The following PRKCA variants were observed in gnomAD, a reference collection of about 807,000 sequenced individuals.
PRKCA encodes protein kinase C alpha type.
PRKCA carries 27 observed loss-of-function variants against 87.0 expected under a neutral mutation model. The ratio of observed to expected loss-of-function variants is 0.31; its 90% CI spans 0.23 to 0.43. PRKCA has a LOEUF of 0.43. PRKCA is among the 20% of genes least tolerant of loss of function. The probability of loss-of-function intolerance (pLI) is 1.00; values close to 1 mark genes in which losing one functional copy is unlikely to be tolerated. For missense variants in PRKCA, 518 were observed against 852.3 expected, an observed-to-expected ratio of 0.61 and a Z score of 4.88; for synonymous variants, 329 against 311.1, an observed-to-expected ratio of 1.06 and a Z score of -0.61.
intron 13 of PRKCA, 148 bp downstream of exon 13, chr17:66,742,908 T>C (rs1475494451): frequency 2.3e-6 from 2 of 874,270 alleles, no homozygotes; most frequent in East Asian, 5.4e-5. Flanking sequence ...CAGACTAAAA[T>C]AGAGGAAATA....
chr17:66,593,958 G>T (rs970886864), intron 3 of PRKCA, among the ~76,000 whole-genome samples: 9 of 152,198 alleles, frequency 5.9e-5, no homozygotes, highest in Non-Finnish European at 8.8e-5. Flanking sequence ...GGTGGCGGCT[G>T]CCTGTAATCC....
intron 14 of PRKCA, among the ~76,000 whole-genome samples, chr17:66,781,868 G>GATATATATATATATATATATAT (rs1201713784): frequency 9.1e-5 from 9 of 99,338 alleles, no homozygotes; most frequent in African/African-American, 3.4e-4. Context: ...GAGAGAGAGA[G>GATATATATATATATATATATAT]ATATATATAT....
chr17:66,606,761 T>G (rs1970221827), intron 3 of PRKCA, among the ~76,000 whole-genome samples: 1 of 152,186 alleles, frequency 6.6e-6, no homozygotes, highest in African/African-American at 2.4e-5. Context: ...TCAAGAGTTG[T>G]AAAACATTTG....
chr17:66,459,331 T>C (rs1914731140), intron 2 of PRKCA, among the ~76,000 whole-genome samples: 1 of 152,042 alleles, frequency 6.6e-6, no homozygotes, highest in Non-Finnish European at 1.5e-5. Flanking sequence ...CACGGAGCCA[T>C]GATCATGTTA....
intron 2 of PRKCA, among the ~76,000 whole-genome samples, chr17:66,314,987 G>A (rs955881008): frequency 4.0e-5 from 6 of 151,570 alleles, no homozygotes; most frequent in Non-Finnish European, 7.4e-5. Flanking sequence ...GTATGTATGT[G>A]TATATATATG....
intron 3 of PRKCA, among the ~76,000 whole-genome samples, chr17:66,512,198 C>G (rs1017227987): frequency 6.6e-6 from 1 of 152,066 alleles, no homozygotes; most frequent in Non-Finnish European, 1.5e-5. Context: ...CCATCTGAAC[C>G]CTTCAGTGCC....
intron 3 of PRKCA, among the ~76,000 whole-genome samples, chr17:66,535,157 A>G (rs1567882455): frequency 6.6e-6 from 1 of 152,154 alleles, no homozygotes; most frequent in Non-Finnish European, 1.5e-5. Context: ...AACTCCTCCA[A>G]GGCATACTCA....
intron 14 of PRKCA, among the ~76,000 whole-genome samples, chr17:66,785,868 A>T (rs554097619): frequency 6.6e-6 from 1 of 152,166 alleles, no homozygotes; most frequent in Admixed American, 6.5e-5. Flanking sequence ...TCGCTCTGTC[A>T]CCCAGGCTGG....
chr17:66,681,450 G>A (rs1288114833), intron 5 of PRKCA, among the ~76,000 whole-genome samples: 1 of 152,040 alleles, frequency 6.6e-6, no homozygotes, highest in African/African-American at 2.4e-5. Flanking sequence ...AATGAAAGTG[G>A]GAGTAGTGGT....
intron 2 of PRKCA, among the ~76,000 whole-genome samples, chr17:66,312,003 T>TG (rs755423364): frequency 4.6e-5 from 7 of 152,180 alleles, no homozygotes; most frequent in Non-Finnish European, 8.8e-5. Context: ...TTTTTTGAGA[T>TG]GGAGTCTCGC....
chr17:66,762,740 C>G (rs951548015), intron 13 of PRKCA, among the ~76,000 whole-genome samples: 1 of 152,232 alleles, frequency 6.6e-6, no homozygotes, highest in Non-Finnish European at 1.5e-5. Context: ...CAGCAAGCCA[C>G]TGTGCCACTT....
intron 14 of PRKCA, among the ~76,000 whole-genome samples, chr17:66,779,875 G>A (rs934530080): frequency 2.0e-5 from 3 of 152,076 alleles, no homozygotes; most frequent in Non-Finnish European, 2.9e-5. Flanking sequence ...GGAAAGAGGC[G>A]AGAGAAGGCA....
chr17:66,612,510 G>A (rs1159656140), intron 3 of PRKCA, among the ~76,000 whole-genome samples: 1 of 151,864 alleles, frequency 6.6e-6, no homozygotes, highest in African/African-American at 2.4e-5. Flanking sequence ...GGTAGTGGAA[G>A]AAACCTGACA....
chr17:66,367,234 A>G (rs1276772686), intron 2 of PRKCA, among the ~76,000 whole-genome samples: 2 of 152,244 alleles, frequency 1.3e-5, no homozygotes, highest in African/African-American at 4.8e-5. Flanking sequence ...AGTTGATGTT[A>G]GGAATTACAA....
chr17:66,338,994 CATTT>C (rs1445044345), intron 2 of PRKCA, among the ~76,000 whole-genome samples: 1 of 152,094 alleles, frequency 6.6e-6, no homozygotes, highest in Non-Finnish European at 1.5e-5. Context: ...ATTCCTTAGA[CATTT>C]ATTTATTGAA....
chr17:66,427,470 A>G lies in PRKCA; in HGVS notation c.206-68731A>G, dbSNP rs188858668. ...GTTCACAAAGCCTTAAATATTTGCTATCTGGTCTTTTAGAGAAAAAGTTTG... is the reference window on the plus strand; with the variant it reads ...GTTCACAAAGCCTTAAATATTTGCTGTCTGGTCTTTTAGAGAAAAAGTTTG... On this transcript the variant is annotated intron_variant, in intron 2 of 16. Coordinates refer to ENST00000413366, the MANE Select transcript of PRKCA (RefSeq NM_002737.3). 3.5e-4 allele frequency among the ~76,000 whole-genome samples: 53 copies of G among 152,370 alleles called. No homozygotes were observed. The East Asian group carries it at 9.1e-3, about 26-fold the overall frequency.
chr17:66,518,143 T>C (rs1344528755), intron 3 of PRKCA, among the ~76,000 whole-genome samples: 1 of 152,066 alleles, frequency 6.6e-6, no homozygotes, highest in Non-Finnish European at 1.5e-5. Context: ...AATGAAGGAA[T>C]AATGGCAGAA....
At chr17:66,493,343 A>G (rs1268834917) in intron 2 of PRKCA, among the ~76,000 whole-genome samples, 2 of 148,816 alleles carry the variant, frequency 1.3e-5, no homozygotes, top group African/African-American at 2.5e-5. Context: ...ATTTTGTCAT[A>G]TACCCATTTT....
At chr17:66,659,164 C>A (rs939440223) in intron 5 of PRKCA, among the ~76,000 whole-genome samples, 1 of 152,142 alleles carries the variant, frequency 6.6e-6, no homozygotes, top group Non-Finnish European at 1.5e-5. Context: ...GAGAGCTAAT[C>A]GGTGGTGCCA....
Sources: gnomAD v4.1 joint callset for allele counts (sites outside exome capture counted in the v4.1 genomes callset) on GRCh38, gnomAD v4.1.1 for gene constraint, MANE v1.5 for transcripts, NCBI Gene and HGNC (gene_info 2026-07-23, HGNC 2026-07-21) for gene names.